TEAD4: variants seen among roughly 807,000 people sequenced by gnomAD.
TEAD4 encodes TEA domain transcription factor 4, also known as transcriptional enhancer factor TEF-3.
A neutral mutation model predicts 52.4 loss-of-function variants in TEAD4; 36 were observed. That is an observed-to-expected ratio of 0.69 (90% confidence interval 0.53 to 0.91). The LOEUF (loss-of-function observed/expected upper bound fraction) is 0.91, where lower values mean the gene tolerates loss of function less well. Among genes scored for constraint, TEAD4 ranks in the 40% least tolerant of loss-of-function variants. TEAD4 has a pLI of 0.00. For synonymous variants in TEAD4, 220 were observed against 231.0 expected (o/e 0.95, Z 0.43); for missense variants, 508 against 583.9 (o/e 0.87, Z 1.34).
At chr12:2,975,775 C>A (rs1049189794) in intron 2 of TEAD4, among the ~76,000 whole-genome samples, 1 of 152,096 alleles carries the variant, frequency 6.6e-6, no homozygotes, top group Non-Finnish European at 1.5e-5. Flanking sequence ...ATAATGTGTA[C>A]CCACCATTAC....
intron 2 of TEAD4, among the ~76,000 whole-genome samples, chr12:2,972,614 C>G (rs1384503786): frequency 6.6e-6 from 1 of 150,740 alleles, no homozygotes; most frequent in African/African-American, 2.5e-5. Context: ...ATTCTCCTGC[C>G]TCAGCCTCCC....
chr12:2,967,758 G>A (rs960422122), intron 2 of TEAD4, among the ~76,000 whole-genome samples: 1 of 152,160 alleles, frequency 6.6e-6, no homozygotes, highest in African/African-American at 2.4e-5. Context: ...CTGTGAGAAA[G>A]GTTTGGTTTG....
chr12:3,013,010 G>T (rs1461760951), intron 5 of TEAD4, among the ~76,000 whole-genome samples: 1 of 152,168 alleles, frequency 6.6e-6, no homozygotes, highest in Non-Finnish European at 1.5e-5. Context: ...TCAGTGCAGT[G>T]ACGCAGTCAT....
At chr12:3,001,682 C>G (rs2098251811) in intron 3 of TEAD4, among the ~76,000 whole-genome samples, 1 of 151,604 alleles carries the variant, frequency 6.6e-6, no homozygotes, top group African/African-American at 2.4e-5. Context: ...GGGGCTGAGG[C>G]AGGAGAATTG....
intron 2 of TEAD4, among the ~76,000 whole-genome samples, chr12:2,971,334 CAGAG>C (rs1016580999): frequency 4.6e-5 from 7 of 151,784 alleles, no homozygotes; most frequent in African/African-American, 1.5e-4. Flanking sequence ...GGGAAGCAGA[CAGAG>C]AGGAAGAGAA....
intron 5 of TEAD4, among the ~76,000 whole-genome samples, chr12:3,013,084 T>C (rs2098261658): frequency 6.6e-6 from 1 of 152,156 alleles, no homozygotes; most frequent in Admixed American, 6.6e-5. Flanking sequence ...CCTGAGTATC[T>C]GGGACCACAG....
chr12:2,964,158 G>A (rs995594453), intron 2 of TEAD4, among the ~76,000 whole-genome samples: 7 of 152,184 alleles, frequency 4.6e-5, no homozygotes, highest in South Asian at 2.1e-4. Context: ...GCTCCGTGCC[G>A]GTTCTGTGCT....
At chr12:2,971,611 G>A (rs1172491272) in intron 2 of TEAD4, among the ~76,000 whole-genome samples, 2 of 150,446 alleles carry the variant, frequency 1.3e-5, no homozygotes, top group Non-Finnish European at 3.0e-5. Flanking sequence ...GAGTAGCTGG[G>A]ACTACAGGCA....
intron 10 of TEAD4, among the ~76,000 whole-genome samples, chr12:3,029,300 T>C (rs544944427): frequency 4.4e-4 from 64 of 144,438 alleles, no homozygotes; most frequent in South Asian, 1.3e-3. Context: ...TGCAGTGGCA[T>C]GATCTCGGCT....
intron 2 of TEAD4, among the ~76,000 whole-genome samples, chr12:2,991,220 A>C (rs1045759700): frequency 6.6e-6 from 1 of 152,110 alleles, no homozygotes; most frequent in Non-Finnish European, 1.5e-5. Flanking sequence ...AAATAATAAA[A>C]ATTTAAAGTG....
chr12:3,005,170 G>A (rs1414102237), intron 3 of TEAD4, among the ~76,000 whole-genome samples: 1 of 152,260 alleles, frequency 6.6e-6, no homozygotes. Flanking sequence ...AAACAGTGGT[G>A]CTCACAGCAG....
intron 2 of TEAD4, among the ~76,000 whole-genome samples, chr12:2,963,548 G>A (rs2098217609): frequency 6.6e-6 from 1 of 152,236 alleles, no homozygotes; most frequent in African/African-American, 2.4e-5. Context: ...GGAGGGCCCA[G>A]GTGGAGGTGG....
intron 10 of TEAD4, among the ~76,000 whole-genome samples, chr12:3,036,394 G>C (rs2098279467): frequency 6.6e-6 from 1 of 152,158 alleles, no homozygotes; most frequent in African/African-American, 2.4e-5. Flanking sequence ...CTAGAGAAAG[G>C]TCCTGCTCTG....
rs540716416 is a variant in TEAD4 at position 2,992,297 on chromosome 12, G to A, written c.-29-2441G>A. Among the ~76,000 whole-genome samples the A allele has an allele frequency of 1.2e-4, 18 of 152,282 alleles. 1 individual carries two copies. The South Asian group carries it at 2.3e-3, about 19-fold the overall frequency. ...GCCTCCCAAAGTGCTGGGATTACAG[G>A]TGTGAGCCACTGCGCCCGGCTGGTT... On this transcript the variant is annotated intron_variant, in intron 2 of 12. Transcript: ENST00000359864.
At chr12:2,983,655 GA>G (rs2098235862) in intron 2 of TEAD4, among the ~76,000 whole-genome samples, 1 of 152,146 alleles carries the variant, frequency 6.6e-6, no homozygotes, top group African/African-American at 2.4e-5. Flanking sequence ...GCCCCAAAGG[GA>G]TTTATGCACA....
chr12:2,968,130 A>T (rs2153952488), intron 2 of TEAD4, among the ~76,000 whole-genome samples: 1 of 124,084 alleles, frequency 8.1e-6, no homozygotes, highest in African/African-American at 2.9e-5. Flanking sequence ...CTTGTTGCTC[A>T]GGTTGGAGTG....
chr12:2,997,454 C>T (rs979550382), intron 3 of TEAD4, among the ~76,000 whole-genome samples: 2 of 152,082 alleles, frequency 1.3e-5, no homozygotes, highest in Admixed American at 6.6e-5. Context: ...CCAGGAGGGA[C>T]GCAGCCTCTG....
At position 2,988,977 on chromosome 12, in the gene TEAD4, A is replaced by G. The variant is rs372388210; in HGVS notation, c.-29-5761A>G. ...GAGATCCTTTAGAATAAGCTGGTAAAGGTAGATAGTGTTTCTCTGAGTTCT... is the reference window on the plus strand; with the variant it reads ...GAGATCCTTTAGAATAAGCTGGTAAGGGTAGATAGTGTTTCTCTGAGTTCT... On this transcript the variant is annotated intron_variant, in intron 2 of 12. Coordinates refer to ENST00000359864, the MANE Select transcript of TEAD4 (RefSeq NM_003213.4). 2.6e-5 allele frequency among the ~76,000 whole-genome samples: 4 copies of G among 152,176 alleles called. No individual in the cohort carries two copies. The East Asian group carries it at 5.8e-4, about 22-fold the overall frequency.
chr12:3,038,164 C>A, intron 11 of TEAD4, 56 bp downstream of exon 11: 1 of 1,566,712 alleles, frequency 6.4e-7, no homozygotes, highest in Non-Finnish European at 8.7e-7. Context: ...GTTTGCTGGG[C>A]ATGGCTTCCA....
Sources: allele counts gnomAD v4.1 joint callset (sites outside exome capture counted in the v4.1 genomes callset), GRCh38; gene constraint gnomAD v4.1.1; transcripts MANE v1.5; gene names NCBI Gene and HGNC (gene_info 2026-07-23, HGNC 2026-07-21).